Variants in ROBO2 observed in about 807,000 individuals in gnomAD.
ROBO2 encodes roundabout homolog 2.
Under a neutral mutation model 160.8 loss-of-function variants are expected in ROBO2, and 53 were observed. The observed-to-expected ratio is 0.33, with a 90% CI of 0.26 to 0.41. The LOEUF (loss-of-function observed/expected upper bound fraction) is 0.41. Among genes scored for constraint, ROBO2 ranks in the 10% least tolerant of loss-of-function variants. ROBO2 has a pLI of 1.00. For synonymous variants in ROBO2, 664 were observed against 611.7 expected (o/e 1.09, Z -1.26); for missense variants, 1,577 against 1,722.4 (o/e 0.92, Z 1.49).
At chr3:76,816,774 T>A (rs1559551282) in intron 2 of ROBO2, among the ~76,000 whole-genome samples, 1 of 152,054 alleles carries the variant, frequency 6.6e-6, no homozygotes, top group Non-Finnish European at 1.5e-5. Flanking sequence ...TGCACATATA[T>A]GTTTATTGTG....
chr3:76,950,550 T>C (rs1189430083), intron 2 of ROBO2, among the ~76,000 whole-genome samples: 1 of 152,140 alleles, frequency 6.6e-6, no homozygotes, highest in African/African-American at 2.4e-5. Context: ...AGCTGGGAGA[T>C]CACAGCCAGT....
Position 77,507,171 on chromosome 3 carries a change from G to A in ROBO2, c.806+13789G>A, listed in dbSNP as rs146093172. On this transcript the variant is annotated intron_variant, in intron 5 of 25. Coordinates refer to ENST00000461745, the Ensembl canonical transcript of ROBO2. ...TGTGAAACATTTAATGATCAGAAGT[G>A]TTCCTATGAGGTTGTATGGAATTCA... 7.4e-3 allele frequency among the ~76,000 whole-genome samples: 1,132 copies of A among 152,220 alleles called. 16 individuals are homozygous for A. The highest frequency in any genetic ancestry group is 0.024 in the African/African-American group (992 of 41,550).
At chr3:77,427,303 T>C (rs943708664) in intron 2 of ROBO2, among the ~76,000 whole-genome samples, 3 of 152,234 alleles carry the variant, frequency 2.0e-5, no homozygotes, top group South Asian at 2.1e-4. Context: ...ATCTATATTT[T>C]ATTTATGATG....
chr3:76,492,289 A>T (rs2079873333), intron 2 of ROBO2, among the ~76,000 whole-genome samples: 1 of 152,180 alleles, frequency 6.6e-6, no homozygotes, highest in Non-Finnish European at 1.5e-5. Context: ...GTTATTGAGA[A>T]TAGATGAGAA....
At chr3:76,649,289 C>T (rs1295089814) in intron 2 of ROBO2, among the ~76,000 whole-genome samples, 1 of 152,048 alleles carries the variant, frequency 6.6e-6, no homozygotes, top group African/African-American at 2.4e-5. Flanking sequence ...TTCTTTGGGC[C>T]AGCAGAGTGC....
At chr3:76,235,625 A>C (rs1229078593) in intron 2 of ROBO2, among the ~76,000 whole-genome samples, 1 of 152,192 alleles carries the variant, frequency 6.6e-6, no homozygotes, top group Admixed American at 6.5e-5. Flanking sequence ...ATAAAAATTT[A>C]AAGCAACCCT....
chr3:76,856,836 G>T (rs1395872540), intron 2 of ROBO2, among the ~76,000 whole-genome samples: 1 of 152,178 alleles, frequency 6.6e-6, no homozygotes, highest in Admixed American at 6.5e-5. Flanking sequence ...CAGATTGCAA[G>T]AATTATACTG....
At chr3:76,745,547 G>A (rs2093871316) in intron 2 of ROBO2, among the ~76,000 whole-genome samples, 1 of 152,116 alleles carries the variant, frequency 6.6e-6, no homozygotes, top group Non-Finnish European at 1.5e-5. Flanking sequence ...AAATAATTTT[G>A]CAACAAAAAT....
chr3:77,113,855 C>A (rs1435609785), intron 2 of ROBO2, among the ~76,000 whole-genome samples: 2 of 152,164 alleles, frequency 1.3e-5, no homozygotes, highest in South Asian at 2.1e-4. Context: ...AATAATAAGG[C>A]AACCTTTAGA....
At chr3:76,871,123 C>G (rs962038934) in intron 2 of ROBO2, among the ~76,000 whole-genome samples, 1 of 152,140 alleles carries the variant, frequency 6.6e-6, no homozygotes, top group African/African-American at 2.4e-5. Flanking sequence ...TTGCTCTTGT[C>G]AGGCACAAGG....
intron 2 of ROBO2, among the ~76,000 whole-genome samples, chr3:76,716,002 T>A (rs570645901): frequency 6.6e-6 from 1 of 152,356 alleles, no homozygotes; most frequent in Admixed American, 6.5e-5. Flanking sequence ...TTGGAAGCTT[T>A]GTTCTGAAAT....
At chr3:76,107,146 A>G (rs894538788) in intron 2 of ROBO2, among the ~76,000 whole-genome samples, 2 of 152,142 alleles carry the variant, frequency 1.3e-5, no homozygotes, top group Non-Finnish European at 2.9e-5. Context: ...TGTTATCTCC[A>G]GTTTAGAGGA....
rs193266623 is a variant in ROBO2, at chr3:76,428,805, G to A, written c.109+491203G>A. 4.5e-3 allele frequency among the ~76,000 whole-genome samples: 678 copies of A among 152,280 alleles called. 1 individual carries two copies. The highest frequency in any genetic ancestry group is 5.0e-3 in the Admixed American group (77 of 15,292). Reference sequence around the variant, plus strand: ...CCACGCGAAAGTGATAACACGAGAAGCGTCACCTACTGAAGCTGGTTCCTC... The same window carrying A: ...CCACGCGAAAGTGATAACACGAGAAACGTCACCTACTGAAGCTGGTTCCTC... On this transcript the variant is annotated intron_variant, in intron 2 of 26. Coordinates refer to the ROBO2 transcript ENST00000487694.
intron 2 of ROBO2, among the ~76,000 whole-genome samples, chr3:76,448,564 C>G (rs146715140): frequency 6.6e-6 from 1 of 152,116 alleles, no homozygotes; most frequent in Admixed American, 6.6e-5. Context: ...TTTGCTTAAT[C>G]TATTTATGAG....
intron 2 of ROBO2, among the ~76,000 whole-genome samples, chr3:76,483,389 G>A (rs1207668599): frequency 6.6e-6 from 1 of 151,276 alleles, no homozygotes; most frequent in African/African-American, 2.4e-5. Flanking sequence ...ATTGTGTGAT[G>A]CTGAGGTTTG....
chr3:77,358,488 TG>T (rs1194035654), intron 2 of ROBO2, among the ~76,000 whole-genome samples: 1 of 152,248 alleles, frequency 6.6e-6, no homozygotes, highest in African/African-American at 2.4e-5. Flanking sequence ...CATGTCTTTC[TG>T]TGGGACACAA....
rs1250707421 is a variant in ROBO2 at position 76,077,641 on chromosome 3, AT to A, written c.109+140044del. On this transcript the variant is annotated intron_variant, in intron 2 of 26. Transcript: ENST00000487694. ...AAAGATTCTTCTTGACTTGAGCAAC[AT>A]TTTTCCTACTATTATTTAAAAAAAG... Among the ~76,000 whole-genome samples, 3 of 152,166 alleles carry A rather than the reference AT, an allele frequency of 2.0e-5. No individual in the cohort carries two copies. The East Asian group carries it at 5.8e-4, about 29-fold the overall frequency.
Position 76,113,409 on chromosome 3 carries a change from C to G in ROBO2, c.109+175807C>G, listed in dbSNP as rs1199069563. 2.6e-5 allele frequency among the ~76,000 whole-genome samples: 4 copies of G among 152,074 alleles called. No homozygotes were observed. In the East Asian group the frequency reaches 7.7e-4, roughly 29 times the overall value. ...TTTTCTTGAAGACAGAGGTCTTTAT[C>G]CTTGTACCTTTACCACTTTCATTAA... On this transcript the variant is annotated intron_variant, in intron 2 of 26. Transcript: ENST00000487694.
intron 2 of ROBO2, among the ~76,000 whole-genome samples, chr3:77,108,231 T>TATATATGTATACACATATGC (rs1315151136): frequency 6.7e-6 from 1 of 150,334 alleles, no homozygotes; most frequent in Admixed American, 6.7e-5. Context: ...CACATATGCA[T>TATATATGTATACACATATGC]ATATATGTAT....
Sources: gnomAD v4.1 joint callset for allele counts (sites outside exome capture counted in the v4.1 genomes callset) on GRCh38, gnomAD v4.1.1 for gene constraint, MANE v1.5 for transcripts, NCBI Gene and HGNC (gene_info 2026-07-23, HGNC 2026-07-21) for gene names.